LHFPL3: variants seen among roughly 807,000 people sequenced by gnomAD.
LHFPL3 encodes LHFPL tetraspan subfamily member 3.
LHFPL3 carries 5 observed loss-of-function variants against 19.3 expected under a neutral mutation model. That is an observed-to-expected ratio of 0.26 (90% CI 0.14 to 0.54). The LOEUF (loss-of-function observed/expected upper bound fraction) is 0.54, where lower values mean the gene tolerates loss of function less well. Among genes scored for constraint, LHFPL3 ranks in the 20% least tolerant of loss-of-function variants. The pLI is 0.94. For synonymous variants in LHFPL3, 133 were observed against 126.2 expected, an observed-to-expected ratio of 1.05 and a Z score of -0.36; for missense variants, 249 against 307.4, an observed-to-expected ratio of 0.81 and a Z score of 1.42.
intron 2 of LHFPL3, among the ~76,000 whole-genome samples, chr7:104,854,887 G>C (rs2116623100): frequency 6.6e-6 from 1 of 152,210 alleles, no homozygotes; most frequent in East Asian, 1.9e-4. Context: ...ATAAAGTGAG[G>C]CCTGCAATGG....
intron 1 of LHFPL3, among the ~76,000 whole-genome samples, chr7:104,735,553 A>G (rs911127651): frequency 6.6e-6 from 1 of 152,220 alleles, no homozygotes; most frequent in Non-Finnish European, 1.5e-5. Flanking sequence ...GCTGTTTGCT[A>G]TGACCACTGG....
chr7:104,428,517 G>A (rs1791891514), intron 1 of LHFPL3, among the ~76,000 whole-genome samples: 1 of 151,990 alleles, frequency 6.6e-6, no homozygotes. Flanking sequence ...TAGCTGTCCT[G>A]GTTATATTTT....
At chr7:104,430,446 A>G (rs1487879598) in intron 1 of LHFPL3, among the ~76,000 whole-genome samples, 2 of 20,420 alleles carry the variant, frequency 9.8e-5, no homozygotes, top group East Asian at 1.6e-3. Flanking sequence ...ATATATATAT[A>G]TATATATATT....
At chr7:104,422,361 A>AG (rs1791747875) in intron 1 of LHFPL3, among the ~76,000 whole-genome samples, 1 of 148,430 alleles carries the variant, frequency 6.7e-6, no homozygotes, top group African/African-American at 2.6e-5. Flanking sequence ...ACTCTGTCTC[A>AG]AAACAACAAC....
intron 2 of LHFPL3, among the ~76,000 whole-genome samples, chr7:104,862,793 A>G (rs919386827): frequency 2.0e-5 from 3 of 152,174 alleles, no homozygotes; most frequent in Non-Finnish European, 2.9e-5. Context: ...CCTGGGAAGT[A>G]AGCAGAGCCT....
chr7:104,861,754 G>A lies in LHFPL3; in HGVS notation c.683-44433G>A, dbSNP rs1219000624. On this transcript the variant is annotated intron_variant, in intron 2 of 2. Transcript: ENST00000424859. ...TCCTGGTGGTCTAACATGGTCAAAC[G>A]CACACTTGGAGAACCTGGGGAAGAG... is the stretch of plus-strand genomic sequence containing the variant. Among the ~76,000 whole-genome samples, 13 of 152,224 alleles carry A rather than the reference G, an allele frequency of 8.5e-5. No individual in the cohort carries two copies. The East Asian group carries it at 1.4e-3, about 16-fold the overall frequency.
intron 1 of LHFPL3, among the ~76,000 whole-genome samples, chr7:104,736,466 T>C (rs1481075917): frequency 1.3e-5 from 2 of 151,950 alleles, no homozygotes; most frequent in African/African-American, 4.8e-5. Context: ...TGGGCTGCTT[T>C]TACCTTAACC....
chr7:104,726,055 CAAAAA>C (rs56697785), intron 1 of LHFPL3, among the ~76,000 whole-genome samples: 4 of 75,092 alleles, frequency 5.3e-5, no homozygotes, highest in African/African-American at 5.4e-5. Context: ...CCATCTCAGG[CAAAAA>C]AAAAAAAAAA....
At chr7:104,740,828 C>G (rs1793922542) in intron 2 of LHFPL3, among the ~76,000 whole-genome samples, 1 of 152,138 alleles carries the variant, frequency 6.6e-6, no homozygotes, top group Non-Finnish European at 1.5e-5. Context: ...ACAGGCAAAC[C>G]ATATCAGCCA....
intron 2 of LHFPL3, among the ~76,000 whole-genome samples, chr7:104,866,857 A>G (rs1442423005): frequency 6.6e-6 from 1 of 152,242 alleles, no homozygotes. Flanking sequence ...GTAAAAGAAC[A>G]GAAATTATAA....
chr7:104,532,696 A>G (rs527921242), intron 1 of LHFPL3, among the ~76,000 whole-genome samples: 1 of 152,292 alleles, frequency 6.6e-6, no homozygotes, highest in South Asian at 2.1e-4. Context: ...TTTGCAGGCC[A>G]TCTCTATTTC....
chr7:104,473,907 A>C (rs1792956768), intron 1 of LHFPL3, among the ~76,000 whole-genome samples: 1 of 152,236 alleles, frequency 6.6e-6, no homozygotes, highest in Non-Finnish European at 1.5e-5. Flanking sequence ...CTTGGGGATA[A>C]ATATTTATAA....
intron 1 of LHFPL3, among the ~76,000 whole-genome samples, chr7:104,435,513 TA>T (rs929660450): frequency 4.6e-5 from 7 of 150,906 alleles, no homozygotes; most frequent in Admixed American, 2.6e-4. Context: ...ATATTTTTTA[TA>T]AAAAAAGTCA....
chr7:104,496,817 C>T (rs1362009368), intron 1 of LHFPL3, among the ~76,000 whole-genome samples: 1 of 152,176 alleles, frequency 6.6e-6, no homozygotes, highest in Non-Finnish European at 1.5e-5. Flanking sequence ...ACTGCACTTC[C>T]TGTGCTTAAC....
At chr7:104,758,708 G>T (rs560638532) in intron 2 of LHFPL3, among the ~76,000 whole-genome samples, 2 of 152,212 alleles carry the variant, frequency 1.3e-5, no homozygotes, top group South Asian at 4.2e-4. Context: ...GTGACTAGTT[G>T]TTTTTCTCAG....
At chr7:104,639,529 T>G (rs1791790658) in intron 1 of LHFPL3, among the ~76,000 whole-genome samples, 1 of 152,212 alleles carries the variant, frequency 6.6e-6, no homozygotes, top group Non-Finnish European at 1.5e-5. Context: ...CATTTTTTAA[T>G]TATAAGACTG....
intron 1 of LHFPL3, among the ~76,000 whole-genome samples, chr7:104,567,860 A>G (rs1380111022): frequency 2.0e-5 from 3 of 151,872 alleles, no homozygotes; most frequent in African/African-American, 4.8e-5. Flanking sequence ...TGACCTGTGG[A>G]CCCTCCCACC....
chr7:104,855,448 T>C (rs1009492753), intron 2 of LHFPL3, among the ~76,000 whole-genome samples: 3 of 152,160 alleles, frequency 2.0e-5, no homozygotes, highest in African/African-American at 7.2e-5. Context: ...TCTCTTGGAT[T>C]TTGAATTATG....
chr7:104,809,364 T>G (rs1444598045), intron 2 of LHFPL3, among the ~76,000 whole-genome samples: 2 of 152,210 alleles, frequency 1.3e-5, no homozygotes, highest in Non-Finnish European at 2.9e-5. Flanking sequence ...TTAGTACATG[T>G]GCTGAAGTGA....
Sources: gnomAD v4.1 joint callset for allele counts (sites outside exome capture counted in the v4.1 genomes callset) on GRCh38, gnomAD v4.1.1 for gene constraint, MANE v1.5 for transcripts, NCBI Gene and HGNC (gene_info 2026-07-23, HGNC 2026-07-21) for gene names.